SCN7A: variants seen among roughly 807,000 people sequenced by gnomAD.
The protein encoded by SCN7A is sodium voltage-gated channel alpha subunit 7.
Under a neutral mutation model 155.2 loss-of-function variants are expected in SCN7A, and 138 were observed. The ratio of observed to expected loss-of-function variants is 0.89; its 90% confidence interval spans 0.77 to 1.02. SCN7A has a LOEUF of 1.02. Among genes scored for constraint, SCN7A ranks in the 50% least tolerant of loss-of-function variants. The pLI is 0.00. For missense variants in SCN7A, 2,058 were observed against 1,986.6 expected (o/e 1.04, Z -0.68); for synonymous variants, 693 against 649.0 (o/e 1.07, Z -1.03).
At chr2:166,489,873 A>G (rs2105544673) in intron 1 of SCN7A, among the ~76,000 whole-genome samples, 1 of 152,274 alleles carries the variant, frequency 6.6e-6, no homozygotes, top group South Asian at 2.1e-4. Context: ...TATCTTGCAA[A>G]AGAAAGTGGT....
chr2:166,427,650 A>T, intron 18 of SCN7A, 138 bp downstream of exon 18: 1 of 572,866 alleles, frequency 1.7e-6, no homozygotes, highest in East Asian at 3.0e-5. Context: ...TTTAAATCAC[A>T]GATTATGAAA....
intron 11 of SCN7A, 118 bp from the exon 12 acceptor site, chr2:166,447,826 T>A: frequency 1.5e-6 from 1 of 676,944 alleles, no homozygotes. Flanking sequence ...TTTCTTTTTA[T>A]TAAATTGATA....
At chr2:166,420,768 A>G (rs1040854897) in intron 20 of SCN7A, among the ~76,000 whole-genome samples, 3 of 152,156 alleles carry the variant, frequency 2.0e-5, no homozygotes, top group Non-Finnish European at 4.4e-5. Flanking sequence ...TTATCTTAAA[A>G]TTCAAACTTT....
chr2:166,443,674 A>G lies in SCN7A; in HGVS notation c.1629T>C (p.Val543=), dbSNP rs777759829. Residue 543 remains valine (V), a splice_region_variant and synonymous_variant, in exon 14 of 26, where the codon GTT becomes GTC. Transcript: ENST00000643258. ...TTTCTGCTGTGAAAATTCCAATGAAAACCTAAATCAAAACCAAATACATAG... is the reference window on the plus strand; with the variant it reads ...TTTCTGCTGTGAAAATTCCAATGAAGACCTAAATCAAAACCAAATACATAG... ...TNTLLNIGNL[V]FIGIFTAEMI... is the part of the protein sequence containing the mutation. 2.0e-6 allele frequency: 3 copies of G among 1,536,654 alleles called. No individual in the cohort carries two copies. The highest frequency in any genetic ancestry group is 8.8e-7 in the Non-Finnish European group (1 of 1,140,782).
chr2:166,430,747 T>C (rs1419297954), intron 16 of SCN7A, among the ~76,000 whole-genome samples: 3 of 151,922 alleles, frequency 2.0e-5, no homozygotes, highest in Admixed American at 1.3e-4. Context: ...TATGTAAATA[T>C]ATATGCATAT....
At chr2:166,467,038 C>A (rs1478429529) in intron 7 of SCN7A, among the ~76,000 whole-genome samples, 1 of 151,772 alleles carries the variant, frequency 6.6e-6, no homozygotes, top group Non-Finnish European at 1.5e-5. Flanking sequence ...TTTATAGCCT[C>A]CTTTTACCAC....
chr2:166,410,306 A>C lies in SCN7A; in HGVS notation c.3625T>G (p.Phe1209Val). 1 of 1,545,376 alleles carries C rather than the reference A, an allele frequency of 6.5e-7. No individual in the cohort carries two copies. Among genetic ancestry groups the C allele is most frequent in the Non-Finnish European group, 8.7e-7 (1 of 1,144,568 alleles). ...TGTTTTCTCTGTTTAACCGTTATAA[A>C]GATATTTGAGCCTCCCAGGTAAAGA... ...HKIKLGGSNI[F>V]ITVKQRKQYR... is the part of the protein sequence containing the mutation. The change falls in exon 24 of 26, where the codon TTT becomes GTT. Residue 1209 changes from phenylalanine (F) to valine (V), a missense_variant. Phe to Val is a conservative substitution (Grantham distance 50). Coordinates refer to ENST00000643258, the MANE Select transcript of SCN7A (RefSeq NM_002976.4).
At chr2:166,469,501 C>CA (rs1427823441) in intron 7 of SCN7A, among the ~76,000 whole-genome samples, 1 of 151,344 alleles carries the variant, frequency 6.6e-6, no homozygotes, top group Non-Finnish European at 1.5e-5. Flanking sequence ...TTCTATATTG[C>CA]AAAATATTTT....
intron 3 of SCN7A, 121 bp downstream of exon 3, chr2:166,477,342 T>G: frequency 2.6e-6 from 2 of 760,426 alleles, no homozygotes; most frequent in Non-Finnish European, 4.1e-6. Context: ...TCTGTAAAAT[T>G]TAAAATCAGA....
At chr2:166,437,661 A>G (rs374603368) in intron 15 of SCN7A, among the ~76,000 whole-genome samples, 2 of 152,280 alleles carry the variant, frequency 1.3e-5, no homozygotes, top group South Asian at 2.1e-4. Flanking sequence ...CTACAAAGAC[A>G]CAGGGATGGA....
chr2:166,464,170 GTA>G lies in SCN7A; in HGVS notation c.941+1290_941+1291del, dbSNP rs758242022. The stretch of plus-strand genomic sequence containing the variant: ...TACACATATATATACACATATGTGT[GTA>G]TATATATGTGTATATATGTATGTGT... On this transcript the variant is annotated intron_variant, in intron 9 of 25. Transcript: ENST00000643258. Among the ~76,000 whole-genome samples, 901 of 150,274 alleles carry G rather than the reference GTA, an allele frequency of 6.0e-3. 12 individuals carry two copies. Among genetic ancestry groups the G allele is most frequent in the African/African-American group, 0.02 (833 of 41,234 alleles).
At chr2:166,467,999 A>G (rs548953058) in intron 7 of SCN7A, among the ~76,000 whole-genome samples, 1 of 151,932 alleles carries the variant, frequency 6.6e-6, no homozygotes, top group South Asian at 2.1e-4. Context: ...GATAAAATAC[A>G]TGTTTTGAGA....
chr2:166,447,522 A>T (rs1250727985), intron 12 of SCN7A, 90 bp downstream of exon 12: 6 of 791,216 alleles, frequency 7.6e-6, no homozygotes, highest in Non-Finnish European at 1.2e-5. Context: ...ATTACCATCT[A>T]AGATTCTGAA....
intron 21 of SCN7A, among the ~76,000 whole-genome samples, chr2:166,414,106 T>C (rs1156694228): frequency 1.2e-5 from 1 of 84,102 alleles, no homozygotes; most frequent in Non-Finnish European, 2.0e-5. Flanking sequence ...TAATATATTA[T>C]ATATAAATAT....
At position 166,410,307 on chromosome 2, in the gene SCN7A, G is replaced by T. The variant is rs1701173751; in HGVS notation, c.3624C>A (p.Ile1208=). The T allele has an allele frequency of 6.5e-7, 1 of 1,544,322 alleles. No homozygotes were observed. The highest frequency in any genetic ancestry group is 8.7e-7 in the Non-Finnish European group (1 of 1,144,100). The change falls in exon 24 of 26, where the codon ATC becomes ATA. Residue 1208 remains isoleucine, a synonymous_variant. Transcript: ENST00000643258. ...KHKIKLGGSN[I]FITVKQRKQY... Reference sequence around the variant, plus strand: ...GTTTTCTCTGTTTAACCGTTATAAAGATATTTGAGCCTCCCAGGTAAAGAA... The same window carrying T: ...GTTTTCTCTGTTTAACCGTTATAAATATATTTGAGCCTCCCAGGTAAAGAA...
intron 11 of SCN7A, among the ~76,000 whole-genome samples, chr2:166,454,215 T>C (rs527818436): frequency 2.6e-5 from 4 of 152,162 alleles, no homozygotes; most frequent in Non-Finnish European, 5.9e-5. Flanking sequence ...ATTCAACATA[T>C]CATTCAAACC....
intron 7 of SCN7A, among the ~76,000 whole-genome samples, chr2:166,466,237 T>C (rs1259774155): frequency 2.0e-5 from 3 of 152,302 alleles, no homozygotes; most frequent in African/African-American, 7.2e-5. Context: ...ATTTGTTTGT[T>C]TCTCTTTACA....
At chr2:166,475,104 G>GTATATATATATATATATATATATACGTA (rs370064873) in intron 3 of SCN7A, among the ~76,000 whole-genome samples, 1 of 86,026 alleles carries the variant, frequency 1.2e-5, no homozygotes, top group Non-Finnish European at 2.7e-5. Context: ...ACATATATAT[G>GTATATATATATATATATATATATACGTA]TATATATATA....
chr2:166,484,574 C>G (rs1703004020), intron 2 of SCN7A, among the ~76,000 whole-genome samples: 1 of 116,476 alleles, frequency 8.6e-6, no homozygotes, highest in Admixed American at 7.8e-5. Flanking sequence ...ATTTAAAAAT[C>G]TAATCTTGAA....
Sources: gnomAD v4.1 joint callset for allele counts (sites outside exome capture counted in the v4.1 genomes callset) on GRCh38, gnomAD v4.1.1 for gene constraint, MANE v1.5 for transcripts, NCBI Gene and HGNC (gene_info 2026-07-23, HGNC 2026-07-21) for gene names.